MUL1: variants seen among roughly 807,000 people sequenced by gnomAD.
MUL1 encodes mitochondrial ubiquitin ligase activator of NFKB 1.
In MUL1, 30 loss-of-function variants were observed where a neutral mutation model predicts 34.1. The ratio of observed to expected loss-of-function variants is 0.88; its 90% CI spans 0.66 to 1.19. The LOEUF is 1.19. Ranked by LOEUF, MUL1 falls within the 50% of genes most tolerant of loss-of-function variation. The probability of loss-of-function intolerance (pLI) is 0.00; values close to 1 mark genes in which losing one functional copy is unlikely to be tolerated. For synonymous variants in MUL1, 191 were observed against 187.8 expected, an observed-to-expected ratio of 1.02 and a Z score of -0.14; for missense variants, 419 against 450.5, an observed-to-expected ratio of 0.93 and a Z score of 0.63.
rs1301429601 is a variant in MUL1 at position 20,501,101 on chromosome 1, GC to G, written c.647del (p.Gly216AlafsTer6). Reference sequence around the variant, plus strand: ...CCTGGCTGCTTAGATAGTACTGCATGCCTTGTTTGGGCGGCTGCAGGCGGAC... The same window carrying G: ...CCTGGCTGCTTAGATAGTACTGCATGCTTGTTTGGGCGGCTGCAGGCGGAC... Reference protein sequence around the residue: ...NSVRLQPPKQGMQYYLSSQDF... With the variant: ...NSVRLQPPKQXMQYYLSSQDF... On this transcript the variant is annotated frameshift_variant, in exon 4 of 4. Coordinates refer to ENST00000264198, the MANE Select transcript of MUL1 (RefSeq NM_024544.3). LOFTEE classifies it high-confidence loss of function. The surrounding 1 kb of genome is among the most constrained non-coding windows in gnomAD (Gnocchi z 4.2). 1 of 1,614,034 alleles carries G rather than the reference GC, an allele frequency of 6.2e-7. No homozygotes were observed. The highest frequency in any genetic ancestry group is 1.3e-5 in the African/African-American group (1 of 74,946).
At chr1:20,506,636 A>G (rs909812444) in intron 1 of MUL1, among the ~76,000 whole-genome samples, 2 of 152,034 alleles carry the variant, frequency 1.3e-5, no homozygotes, top group African/African-American at 4.8e-5. Context: ...GATCACCTGA[A>G]GTCAGGAGTT....
At chr1:20,505,309 G>T (rs570970936) in intron 1 of MUL1, among the ~76,000 whole-genome samples, 15 of 152,178 alleles carry the variant, frequency 9.9e-5, no homozygotes, top group Middle Eastern at 3.4e-3. Context: ...TCTAGGACAG[G>T]CATGGTAGCT....
In MUL1 at chr1:20,501,140, C is replaced by T. The variant is rs1302838931; in HGVS notation, c.609G>A (p.Leu203=). The change falls in exon 4 of 4, where the codon CTG becomes CTA. Residue 203 remains leucine, a synonymous_variant. Transcript: ENST00000264198. The surrounding 1 kb of genome is among the most constrained non-coding windows in gnomAD (Gnocchi z 4.2). ...GCTGCAGGCGGACAGAGTTGTTGTC[C>T]AGGACCAGTTCGCCAACCCCTGTGA... ...ATLTGVGELV[L]DNNSVRLQPP... is the part of the protein sequence containing the mutation. 1 of 1,614,052 alleles carries T rather than the reference C, an allele frequency of 6.2e-7. No homozygotes were observed. The highest frequency in any genetic ancestry group is 1.7e-5 in the Admixed American group (1 of 60,028).
At chr1:20,505,205 G>A (rs1170081278) in intron 1 of MUL1, among the ~76,000 whole-genome samples, 5 of 152,116 alleles carry the variant, frequency 3.3e-5, no homozygotes, top group African/African-American at 7.2e-5. Flanking sequence ...TAGGAGGCAC[G>A]CAATAAATTT....
Position 20,500,420 on chromosome 1 carries a change from C to T in MUL1, c.*270G>A, listed in dbSNP as rs1022939860. 1 of 383,904 alleles carries T rather than the reference C, an allele frequency of 2.6e-6. No homozygotes were observed. Among genetic ancestry groups the T allele is most frequent in the Non-Finnish European group, 4.7e-6 (1 of 211,712 alleles). The allele number at this position is 383,904 out of a possible 1,614,324, so 23.8% of individuals were successfully genotyped here. Reference sequence around the variant, plus strand: ...TGAGGCATTTTCAGTCACACTCGCACTGATCTGGCTCCTGGGAGGAGACGC... The same window carrying T: ...TGAGGCATTTTCAGTCACACTCGCATTGATCTGGCTCCTGGGAGGAGACGC... On this transcript the variant is annotated 3_prime_UTR_variant, in exon 4 of 4. Coordinates refer to ENST00000264198, the MANE Select transcript of MUL1 (RefSeq NM_024544.3).
rs200831564 is a variant in MUL1 at position 20,507,964 on chromosome 1, C to T, written c.61G>A (p.Val21Ile). 1 of 1,595,044 alleles carries T rather than the reference C, an allele frequency of 6.3e-7. No homozygotes were observed. Among genetic ancestry groups the T allele is most frequent in the Admixed American group, 1.8e-5 (1 of 56,470 alleles). The change falls in exon 1 of 4, where the codon GTC becomes ATC. Residue 21 changes from valine (V) to isoleucine (I), a missense_variant. Val to Ile is a conservative substitution (Grantham distance 29, BLOSUM62 3). Transcript: ENST00000264198. ...QFILLGTTSV[V>I]TAALYSVYRQ... ...TACACGGAGTACAGGGCGGCGGTGACCACAGAGGTGGTGCCCAGGAGGATG... is the reference window on the plus strand; with the variant it reads ...TACACGGAGTACAGGGCGGCGGTGATCACAGAGGTGGTGCCCAGGAGGATG...
At position 20,508,041 on chromosome 1, in the gene MUL1, G is replaced by A. The variant is rs1329230786; in HGVS notation, c.-17C>T. The A allele has an allele frequency of 2.5e-6, 4 of 1,576,742 alleles. No homozygotes were observed. Among genetic ancestry groups the A allele is most frequent in the Admixed American group, 1.9e-5 (1 of 53,320 alleles). ...GCTCTCCATGACGGCGGCGAGCCCC[G>A]GTGGCCGACTGTGGCGCCAAGGATA... On this transcript the variant is annotated 5_prime_UTR_variant, in exon 1 of 4. Transcript: ENST00000264198.
In MUL1 at chr1:20,501,349, C is replaced by T; in HGVS notation, c.400G>A (p.Gly134Ser). The T allele has an allele frequency of 6.2e-7, 1 of 1,614,174 alleles. No individual in the cohort carries two copies. Among genetic ancestry groups the T allele is most frequent in the Non-Finnish European group, 8.5e-7 (1 of 1,180,032 alleles). ...VPFDLVPHED[G>S]VDVAVRVLKP... The stretch of plus-strand genomic sequence containing the variant: ...AGCACTCGCACAGCCACATCCACGC[C>T]ATCCTCGTGGGGCACCAGGTCAAAG... The change falls in exon 4 of 4, where the codon GGC becomes AGC. Residue 134 changes from glycine to serine, a missense_variant. Coordinates refer to ENST00000264198, the MANE Select transcript of MUL1 (RefSeq NM_024544.3). The surrounding 1 kb of genome is among the most constrained non-coding windows in gnomAD (Gnocchi z 4.2).
intron 1 of MUL1, among the ~76,000 whole-genome samples, chr1:20,507,458 G>C (rs1281782643): frequency 6.6e-6 from 1 of 152,128 alleles, no homozygotes; most frequent in African/African-American, 2.4e-5. Flanking sequence ...ATTTAAGATA[G>C]GAGATCCCCC....
chr1:20,500,714 C>A lies in MUL1; in HGVS notation c.1035G>T (p.Arg345=), dbSNP rs2051647167. 6.9e-6 allele frequency: 11 copies of A among 1,593,122 alleles called. No individual in the cohort carries two copies. Among genetic ancestry groups the A allele is most frequent in the Admixed American group, 1.7e-5 (1 of 58,532 alleles). ...KCPICRQAIT[R]VIPLYNS Reference sequence around the variant, plus strand: ...ATTAGCTGTTGTACAGGGGTATCACCCGGGTGATCGCCTGTCTGCAGATAG... The same window carrying A: ...ATTAGCTGTTGTACAGGGGTATCACACGGGTGATCGCCTGTCTGCAGATAG... Residue 345 remains arginine (R), a synonymous_variant, in exon 4 of 4, where the codon CGG becomes CGT. Transcript: ENST00000264198.
Position 20,500,592 on chromosome 1 carries a change from A to T in MUL1, c.*98T>A. On this transcript the variant is annotated 3_prime_UTR_variant, in exon 4 of 4. Transcript: ENST00000264198. Reference sequence around the variant, plus strand: ...TCCCTCAATCATACCTGGAGGTGACAGCTACCCCCACCACTGCTCCTCCAA... The same window carrying T: ...TCCCTCAATCATACCTGGAGGTGACTGCTACCCCCACCACTGCTCCTCCAA... 1 of 1,446,450 alleles carries T rather than the reference A, an allele frequency of 6.9e-7. No individual in the cohort carries two copies. The highest frequency in any genetic ancestry group is 1.4e-5 in the South Asian group (1 of 71,648). 89.6% of individuals were successfully genotyped at this position (1,446,450 alleles called of 1,614,324 possible).
At position 20,501,268 on chromosome 1, in the gene MUL1, G is replaced by A; in HGVS notation, c.481C>T (p.Pro161Ser). 6.2e-7 allele frequency: 1 copy of A among 1,614,148 alleles called. No homozygotes were observed. Among genetic ancestry groups the A allele is most frequent in the South Asian group, 1.1e-5 (1 of 91,086 alleles). ...ACATCGGTGAAGGACTGAATCGAGG[G>A]GTGGAACTTCTCATACACAGTCTCT... ...GLETVYEKFH[P>S]SIQSFTDVIG... The change falls in exon 4 of 4, where the codon CCC becomes TCC. Residue 161 changes from proline to serine, a missense_variant. Pro to Ser is a moderately conservative substitution (Grantham distance 74, BLOSUM62 -1). Coordinates refer to ENST00000264198, the MANE Select transcript of MUL1 (RefSeq NM_024544.3). The surrounding 1 kb of genome is among the most constrained non-coding windows in gnomAD (Gnocchi z 4.2).
chr1:20,505,584 A>C (rs1287038065), intron 1 of MUL1, among the ~76,000 whole-genome samples: 5 of 35,480 alleles, frequency 1.4e-4, no homozygotes, highest in Middle Eastern at 0.017. Flanking sequence ...CCATGTCTCA[A>C]AAAAAAAAAA....
At position 20,500,037 on chromosome 1, in the gene MUL1, G is replaced by T. The variant is rs2051637073; in HGVS notation, c.*653C>A. 1 of 152,264 alleles carries T rather than the reference G, an allele frequency of 6.6e-6. No homozygotes were observed. The highest frequency in any genetic ancestry group is 6.5e-5 in the Admixed American group (1 of 15,282). 9.4% of individuals were successfully genotyped at this position (152,264 alleles called of 1,614,324 possible). On this transcript the variant is annotated 3_prime_UTR_variant, in exon 4 of 4. Coordinates refer to ENST00000264198, the MANE Select transcript of MUL1 (RefSeq NM_024544.3). ...TCACATGATCTCTCTTCAATCTGTT[G>T]CCCGGGGCCCCGACCATCTGGGCAG...
In MUL1 at chr1:20,500,055, C is replaced by T. The variant is rs1036890764; in HGVS notation, c.*635G>A. The T allele has an allele frequency of 6.6e-6, 1 of 152,284 alleles. No homozygotes were observed. Among genetic ancestry groups the T allele is most frequent in the African/African-American group, 2.4e-5 (1 of 41,448 alleles). The allele number at this position is 152,284 out of a possible 1,614,324, so 9.4% of individuals were successfully genotyped here. A position where few individuals can be genotyped will look rare whatever the true frequency, so the allele number is the denominator to read the frequency against. On this transcript the variant is annotated 3_prime_UTR_variant, in exon 4 of 4. Coordinates refer to ENST00000264198, the MANE Select transcript of MUL1 (RefSeq NM_024544.3). ...ATCTGTTGCCCGGGGCCCCGACCATCTGGGCAGAAGCGGATGTGCTGACTT... is the reference window on the plus strand; with the variant it reads ...ATCTGTTGCCCGGGGCCCCGACCATTTGGGCAGAAGCGGATGTGCTGACTT...
rs773197578 is a variant in MUL1, at chr1:20,500,825, G to A, written c.924C>T (p.Ser308=). 1.2e-6 allele frequency: 2 copies of A among 1,614,230 alleles called. No individual in the cohort carries two copies. The highest frequency in any genetic ancestry group is 2.2e-5 in the South Asian group (2 of 91,080). ...ACTCCAGAAAGACGCAGGACTTGAA[G>A]CTGCTCAGACACACTACACAGGCGC... is the stretch of plus-strand genomic sequence containing the variant. ...LKSACVVCLS[S]FKSCVFLECG... The change falls in exon 4 of 4, where the codon AGC becomes AGT. Residue 308 remains serine (S), a synonymous_variant. Coordinates refer to ENST00000264198, the MANE Select transcript of MUL1 (RefSeq NM_024544.3).
rs1382416287 is a variant in MUL1, at chr1:20,500,368, TG to T, written c.*321del. 1 of 220,368 alleles carries T rather than the reference TG, an allele frequency of 4.5e-6. No individual in the cohort carries two copies. Among genetic ancestry groups the T allele is most frequent in the East Asian group, 9.5e-5 (1 of 10,498 alleles). 13.7% of individuals were successfully genotyped at this position (220,368 alleles called of 1,614,324 possible). ...GAAGACACAGGAACAGAAGAGCTGC[TG>T]ATCACTGGCTTTGGTGCTTAAGTGA... is the stretch of plus-strand genomic sequence containing the variant. On this transcript the variant is annotated 3_prime_UTR_variant, in exon 4 of 4. Coordinates refer to ENST00000264198, the MANE Select transcript of MUL1 (RefSeq NM_024544.3).
In MUL1 at chr1:20,507,986, G is replaced by T; in HGVS notation, c.39C>A (p.Ile13=). 2 of 1,591,826 alleles carry T rather than the reference G, an allele frequency of 1.3e-6. No individual in the cohort carries two copies. The highest frequency in any genetic ancestry group is 1.7e-6 in the Non-Finnish European group (2 of 1,170,376). The change falls in exon 1 of 4, where the codon ATC becomes ATA. Residue 13 remains isoleucine (I), a synonymous_variant. Coordinates refer to ENST00000264198, the MANE Select transcript of MUL1 (RefSeq NM_024544.3). ...TGACCACAGAGGTGGTGCCCAGGAG[G>T]ATGAACTGGCACAGCGAGGGCCGCC... ...SGGRPSLCQF[I]LLGTTSVVTA... is the part of the protein sequence containing the mutation.
Position 20,502,024 on chromosome 1 carries a change from T to A in MUL1, c.329+45A>T, listed in dbSNP as rs201926288. 2.5e-5 allele frequency: 40 copies of A among 1,610,822 alleles called. No individual in the cohort carries two copies. The East Asian group carries it at 8.7e-4, about 35-fold the overall frequency. ...AGCACCCAGGACCCCAGCATTTGAA[T>A]AGACCAACTGCAAGGGTTTTGGCCA... On this transcript the variant is annotated intron_variant, in intron 3 of 3. Transcript: ENST00000264198.
Sources: gnomAD v4.1 joint callset for allele counts (sites outside exome capture counted in the v4.1 genomes callset) on GRCh38, gnomAD v4.1.1 for gene constraint, Gnocchi (gnomAD v3.1) non-coding constraint, MANE v1.5 for transcripts, NCBI Gene and HGNC (gene_info 2026-07-23, HGNC 2026-07-21) for gene names.